Variants in DLGAP2 observed in about 807,000 individuals in gnomAD.
DLGAP2 encodes DLG associated protein 2, also known as disks large-associated protein 2.
A neutral mutation model predicts 100.3 loss-of-function variants in DLGAP2; 26 were observed. The ratio of observed to expected loss-of-function variants is 0.26; its 90% CI spans 0.19 to 0.36. The LOEUF is 0.36. DLGAP2 is among the 10% of genes least tolerant of loss of function. The pLI is 1.00. For synonymous variants in DLGAP2, 886 were observed against 630.1 expected, an observed-to-expected ratio of 1.41 and a Z score of -6.08; for missense variants, 1,858 against 1,453.2, an observed-to-expected ratio of 1.28 and a Z score of -4.53.
chr8:863,126 C>T (rs1161229247), intron 1 of DLGAP2, among the ~76,000 whole-genome samples: 2 of 152,080 alleles, frequency 1.3e-5, no homozygotes, highest in African/African-American at 4.8e-5. Context: ...TTCTTTGGTG[C>T]GTATTATTCC....
intron 6 of DLGAP2, among the ~76,000 whole-genome samples, chr8:1,587,040 C>A (rs114591852): frequency 1.3e-5 from 2 of 152,114 alleles, no homozygotes; most frequent in African/African-American, 4.8e-5. Flanking sequence ...AAAGTCCTAG[C>A]GGGAGGGGCA....
At chr8:1,310,012 T>G (rs553613554) in intron 3 of DLGAP2, among the ~76,000 whole-genome samples, 1 of 149,928 alleles carries the variant, frequency 6.7e-6, no homozygotes, top group Admixed American at 6.6e-5. Context: ...GGAGAATCAT[T>G]TGAACCACTG....
intron 6 of DLGAP2, among the ~76,000 whole-genome samples, chr8:1,594,770 C>T (rs1388632092): frequency 2.0e-5 from 3 of 152,052 alleles, no homozygotes; most frequent in Admixed American, 6.6e-5. Flanking sequence ...GTTTAACTGC[C>T]AAAAATATAG....
intron 2 of DLGAP2, among the ~76,000 whole-genome samples, chr8:1,221,165 C>A (rs1420869240): frequency 1.3e-5 from 2 of 152,072 alleles, no homozygotes; most frequent in East Asian, 3.9e-4. Context: ...GTTATGTATA[C>A]TCGGTTATAT....
chr8:1,566,251 A>G (rs1371880637), intron 6 of DLGAP2, among the ~76,000 whole-genome samples: 1 of 152,200 alleles, frequency 6.6e-6, no homozygotes, highest in Non-Finnish European at 1.5e-5. Context: ...TGTCTTTGTG[A>G]GTAAAACTCG....
At chr8:1,081,097 C>T (rs889265499) in intron 2 of DLGAP2, among the ~76,000 whole-genome samples, 1 of 152,008 alleles carries the variant, frequency 6.6e-6, no homozygotes, top group African/African-American at 2.4e-5. Flanking sequence ...TTAATTTGTT[C>T]CATCATTTTT....
chr8:1,616,698 C>A (rs1797165233), intron 6 of DLGAP2, among the ~76,000 whole-genome samples: 1 of 152,162 alleles, frequency 6.6e-6, no homozygotes, highest in Non-Finnish European at 1.5e-5. Context: ...GCTAAGGAAT[C>A]TATTTTTAAC....
chr8:1,564,760 T>C (rs75627576), intron 5 of DLGAP2, among the ~76,000 whole-genome samples: 3,480 of 148,158 alleles, frequency 0.023, 130 homozygotes, highest in African/African-American at 0.083. Context: ...ACATGCATAG[T>C]TGCTCAGCTC....
At chr8:906,591 A>G (rs1047858939) in intron 1 of DLGAP2, among the ~76,000 whole-genome samples, 4 of 152,160 alleles carry the variant, frequency 2.6e-5, no homozygotes, top group Admixed American at 6.5e-5. Flanking sequence ...CATCAGGGAA[A>G]CAGTGTCAGA....
intron 10 of DLGAP2, among the ~76,000 whole-genome samples, chr8:1,672,354 C>G (rs762782402): frequency 1.3e-5 from 2 of 151,990 alleles, no homozygotes; most frequent in African/African-American, 2.4e-5. Flanking sequence ...GCCTCAGCCT[C>G]CCGAGCAGCT....
intron 2 of DLGAP2, among the ~76,000 whole-genome samples, chr8:1,074,589 C>G (rs1237035594): frequency 6.6e-6 from 1 of 152,130 alleles, no homozygotes; most frequent in Non-Finnish European, 1.5e-5. Flanking sequence ...TGCTTCTTAC[C>G]AAGAGCAAGC....
chr8:1,444,776 T>C (rs1477717472), intron 3 of DLGAP2, among the ~76,000 whole-genome samples: 2 of 142,628 alleles, frequency 1.4e-5, no homozygotes, highest in Non-Finnish European at 3.1e-5. Context: ...TCATTCTTTT[T>C]TTTTTTTTTT....
intron 2 of DLGAP2, among the ~76,000 whole-genome samples, chr8:1,190,182 G>A (rs1797601865): frequency 6.6e-6 from 1 of 152,186 alleles, no homozygotes; most frequent in African/African-American, 2.4e-5. Flanking sequence ...TAGATTCCAT[G>A]TTGCCCTAAT....
intron 2 of DLGAP2, among the ~76,000 whole-genome samples, chr8:1,060,114 G>A (rs1310873475): frequency 6.6e-6 from 1 of 152,204 alleles, no homozygotes; most frequent in East Asian, 1.9e-4. Flanking sequence ...AGGGTCAGAT[G>A]TGAACCACGG....
chr8:1,465,232 G>A (rs552379830), intron 3 of DLGAP2, among the ~76,000 whole-genome samples: 1 of 152,244 alleles, frequency 6.6e-6, no homozygotes, highest in African/African-American at 2.4e-5. Context: ...CCCCCCACAC[G>A]TGGGTTCCAT....
intron 2 of DLGAP2, among the ~76,000 whole-genome samples, chr8:1,222,738 C>A (rs1024374583): frequency 2.0e-5 from 3 of 151,986 alleles, no homozygotes; most frequent in African/African-American, 4.8e-5. Context: ...GATGGTCAGA[C>A]GGGCTCTGCT....
intron 1 of DLGAP2, among the ~76,000 whole-genome samples, chr8:786,171 C>T (rs1045607146): frequency 1.3e-5 from 2 of 152,194 alleles, no homozygotes; most frequent in African/African-American, 2.4e-5. Context: ...TCCTGGCAGG[C>T]GTCCTTGCCC....
intron 4 of DLGAP2, among the ~76,000 whole-genome samples, chr8:1,523,010 C>T (rs919138378): frequency 9.2e-5 from 14 of 152,172 alleles, no homozygotes; most frequent in Non-Finnish European, 1.8e-4. Context: ...AACTAAGGAC[C>T]AGGGGCAGCT....
intron 2 of DLGAP2, among the ~76,000 whole-genome samples, chr8:1,122,680 A>G (rs1354976880): frequency 6.6e-6 from 1 of 151,994 alleles, no homozygotes; most frequent in East Asian, 1.9e-4. Context: ...ATTATTTTTT[A>G]GTTGATAAAG....
Sources: allele counts gnomAD v4.1 joint callset (sites outside exome capture counted in the v4.1 genomes callset), GRCh38; gene constraint gnomAD v4.1.1; transcripts MANE v1.5; gene names NCBI Gene and HGNC (gene_info 2026-07-23, HGNC 2026-07-21).